NFAT5: variants seen among roughly 807,000 people sequenced by gnomAD.
The protein encoded by NFAT5 is nuclear factor of activated T-cells 5.
NFAT5 carries 31 observed loss-of-function variants against 166.5 expected under a neutral mutation model. That is an observed-to-expected ratio of 0.19 (90% CI 0.14 to 0.25). The LOEUF is 0.25. Among genes scored for constraint, NFAT5 ranks in the 10% least tolerant of loss-of-function variants. The probability of loss-of-function intolerance (pLI) is 1.00; values close to 1 mark genes in which losing one functional copy is unlikely to be tolerated. For missense variants in NFAT5, 1,449 were observed against 1,821.8 expected, an observed-to-expected ratio of 0.80 and a Z score of 3.72; for synonymous variants, 612 against 639.7, an observed-to-expected ratio of 0.96 and a Z score of 0.65.
Position 69,682,433 on chromosome 16 carries a change from C to G in NFAT5, c.1691-2454C>G, listed in dbSNP as rs751935255. 3.5e-3 allele frequency among the ~76,000 whole-genome samples: 336 copies of G among 95,580 alleles called. 2 individuals are homozygous for G. The highest frequency in any genetic ancestry group is 9.2e-3 in the South Asian group (27 of 2,920). 62.7% of individuals were successfully genotyped at this position (95,580 alleles called of 152,430 possible). On this transcript the variant is annotated intron_variant, in intron 10 of 14. Coordinates refer to ENST00000349945, the MANE Select transcript of NFAT5 (RefSeq NM_138713.4). ...GACCAGCCTGGGCGATATAGTGAGA[C>G]CCCCCCCCCCGCCATCCCTACAAAG...
chr16:69,595,490 T>C (rs2032739545), intron 2 of NFAT5, among the ~76,000 whole-genome samples: 1 of 152,052 alleles, frequency 6.6e-6, no homozygotes, highest in Non-Finnish European at 1.5e-5. Context: ...TAAACCATGT[T>C]TTCTGTTCAT....
rs756565734 is a variant in NFAT5 at position 69,691,910 on chromosome 16, T to C, written c.2085T>C (p.Thr695=). 114 of 1,613,974 alleles carry C rather than the reference T, an allele frequency of 7.1e-5. No individual in the cohort carries two copies. The highest frequency in any genetic ancestry group is 9.3e-5 in the Non-Finnish European group (110 of 1,180,036). Residue 695 remains threonine, a synonymous_variant, in exon 13 of 15, where the codon ACT becomes ACC. Transcript: ENST00000349945. ...CATACAACCCAGAGACCCTGACAAC[T>C]ATTCAAACCCAGGACATCTCACAGC... ...PKAYNPETLT[T]IQTQDISQPG... is the part of the protein sequence containing the mutation.
At chr16:69,588,837 G>T (rs192014966) in intron 2 of NFAT5, among the ~76,000 whole-genome samples, 2 of 152,268 alleles carry the variant, frequency 1.3e-5, no homozygotes, top group Admixed American at 1.3e-4. Flanking sequence ...ATGTTGAAAT[G>T]CCAGATTAGA....
intron 2 of NFAT5, among the ~76,000 whole-genome samples, chr16:69,588,871 A>G (rs2032269025): frequency 6.6e-6 from 1 of 151,852 alleles, no homozygotes; most frequent in Non-Finnish European, 1.5e-5. Context: ...AGAAAAGACC[A>G]TGTAGAATGA....
At chr16:69,613,801 A>G (rs1328004574) in intron 2 of NFAT5, among the ~76,000 whole-genome samples, 1 of 152,214 alleles carries the variant, frequency 6.6e-6, no homozygotes, top group Non-Finnish European at 1.5e-5. Context: ...CTAGACTGTG[A>G]ACTGCTTAAT....
rs1597589620 is a variant in NFAT5 at position 69,703,678 on chromosome 16, A to G, written c.*7327A>G. ...AGTGGAAATGTAAGTGGCTTACTCT[A>G]CAAATTTTGGTGCTGGCAAATACAT... is the stretch of plus-strand genomic sequence containing the variant. On this transcript the variant is annotated 3_prime_UTR_variant, in exon 15 of 15. Transcript: ENST00000349945. The G allele has an allele frequency of 6.6e-6, 1 of 152,602 alleles. No individual in the cohort carries two copies. The highest frequency in any genetic ancestry group is 1.5e-5 in the Non-Finnish European group (1 of 68,024). 9.5% of individuals were successfully genotyped at this position (152,602 alleles called of 1,614,324 possible).
intron 3 of NFAT5, among the ~76,000 whole-genome samples, chr16:69,638,220 A>G (rs1000144684): frequency 2.0e-5 from 3 of 152,110 alleles, no homozygotes; most frequent in African/African-American, 4.8e-5. Context: ...CTGTGTCTCA[A>G]AAACAAACAA....
chr16:69,619,844 G>A (rs1288248600), intron 2 of NFAT5, among the ~76,000 whole-genome samples: 1 of 152,172 alleles, frequency 6.6e-6, no homozygotes, highest in East Asian at 1.9e-4. Flanking sequence ...AAAAAATTAA[G>A]TTGCCCTATT....
chr16:69,578,518 ATTAT>A (rs2031449270), intron 2 of NFAT5, among the ~76,000 whole-genome samples: 1 of 152,194 alleles, frequency 6.6e-6, no homozygotes, highest in South Asian at 2.1e-4. Flanking sequence ...CATAACTCAA[ATTAT>A]TTGTTTGAAT....
chr16:69,663,714 A>G (rs542275607), intron 7 of NFAT5, among the ~76,000 whole-genome samples: 29 of 152,190 alleles, frequency 1.9e-4, no homozygotes, highest in African/African-American at 7.0e-4. Flanking sequence ...CACACACAAA[A>G]AAAATGTTTT....
Position 69,704,457 on chromosome 16 carries a change from G to C in NFAT5, c.*8106G>C, listed in dbSNP as rs2037949109. On this transcript the variant is annotated 3_prime_UTR_variant, in exon 15 of 15. Coordinates refer to ENST00000349945, the MANE Select transcript of NFAT5 (RefSeq NM_138713.4). ...CATTTTTGTGTATATGGCTTTCATA[G>C]TTGGGATTTCAGAGCACTGATACCA... is the stretch of plus-strand genomic sequence containing the variant. 6.6e-6 allele frequency: 1 copy of C among 152,558 alleles called. No homozygotes were observed. The highest frequency in any genetic ancestry group is 2.4e-5 in the African/African-American group (1 of 41,410). The allele number at this position is 152,558 out of a possible 1,614,324, so 9.5% of individuals were successfully genotyped here.
At chr16:69,640,989 A>G (rs2035181803) in intron 3 of NFAT5, among the ~76,000 whole-genome samples, 1 of 151,324 alleles carries the variant, frequency 6.6e-6, no homozygotes, top group Non-Finnish European at 1.5e-5. Context: ...CTCAAAAGAA[A>G]AAAAAAAAGG....
At chr16:69,574,439 TTAAA>T (rs1452751243) in intron 2 of NFAT5, among the ~76,000 whole-genome samples, 1 of 152,128 alleles carries the variant, frequency 6.6e-6, no homozygotes, top group Non-Finnish European at 1.5e-5. Flanking sequence ...AAAGTCAAGT[TTAAA>T]TAAACTAACA....
At chr16:69,598,404 A>G (rs2032932276) in intron 2 of NFAT5, among the ~76,000 whole-genome samples, 1 of 148,750 alleles carries the variant, frequency 6.7e-6, no homozygotes, top group Non-Finnish European at 1.5e-5. Context: ...AAAAAAAAAG[A>G]TATTTGGGAA....
intron 2 of NFAT5, among the ~76,000 whole-genome samples, chr16:69,583,200 A>C (rs957152059): frequency 4.0e-5 from 6 of 151,712 alleles, no homozygotes; most frequent in Non-Finnish European, 8.8e-5. Context: ...TTATTTATTA[A>C]ATTTCTGTTT....
intron 4 of NFAT5, chr16:69,648,479 G>A: frequency 4.2e-6 from 4 of 956,324 alleles, no homozygotes; most frequent in Non-Finnish European, 5.0e-6. Context: ...TTTTTTTTCT[G>A]TGATTCTGGG....
intron 2 of NFAT5, among the ~76,000 whole-genome samples, chr16:69,579,330 A>T (rs545221011): frequency 1.1e-3 from 167 of 152,246 alleles, no homozygotes; most frequent in African/African-American, 3.7e-3. Context: ...ATTTTTAAAG[A>T]ACTTTTCATT....
intron 10 of NFAT5, among the ~76,000 whole-genome samples, chr16:69,680,528 C>G (rs984296064): frequency 5.9e-5 from 9 of 152,286 alleles, no homozygotes; most frequent in Admixed American, 2.0e-4. Context: ...AAAGGCTATA[C>G]TAATTGCCTA....
chr16:69,655,575 A>G lies in NFAT5; in HGVS notation c.1006-34A>G, dbSNP rs374625425. ...TATAATTAGATTATTTGAAATACTA[A>G]TTAGTGTTTCTGTTGCATGTTTTCT... On this transcript the variant is annotated intron_variant, in intron 5 of 14. Coordinates refer to ENST00000349945, the MANE Select transcript of NFAT5 (RefSeq NM_138713.4). The G allele has an allele frequency of 1.4e-5, 21 of 1,475,478 alleles. 1 individual carries two copies. Among genetic ancestry groups the G allele is most frequent in the African/African-American group, 5.6e-5 (4 of 71,262 alleles). The allele number at this position is 1,475,478 out of a possible 1,614,324, so 91.4% of individuals were successfully genotyped here. A position where few individuals can be genotyped will look rare whatever the true frequency, so the allele number is the denominator to read the frequency against.
Sources: allele counts gnomAD v4.1 joint callset (sites outside exome capture counted in the v4.1 genomes callset), GRCh38; gene constraint gnomAD v4.1.1; transcripts MANE v1.5; gene names NCBI Gene and HGNC (gene_info 2026-07-23, HGNC 2026-07-21).